TSGA10: variants seen among roughly 807,000 people sequenced by gnomAD.
The protein encoded by TSGA10 is testis-specific gene 10 protein.
In TSGA10, 43 loss-of-function variants were observed where a neutral mutation model predicts 96.6. The ratio of observed to expected loss-of-function variants is 0.44; its 90% CI spans 0.35 to 0.57. The LOEUF (loss-of-function observed/expected upper bound fraction) is 0.57. Ranked by LOEUF, TSGA10 falls within the 20% of genes least tolerant of loss-of-function variation. The probability of loss-of-function intolerance (pLI) is 0.01; values close to 1 mark genes in which losing one functional copy is unlikely to be tolerated. For synonymous variants in TSGA10, 229 were observed against 269.9 expected, an observed-to-expected ratio of 0.85 and a Z score of 1.48; for missense variants, 703 against 834.4, an observed-to-expected ratio of 0.84 and a Z score of 1.94.
chr2:99,036,881 C>A (rs1319802876), intron 16 of TSGA10, among the ~76,000 whole-genome samples: 1 of 152,004 alleles, frequency 6.6e-6, no homozygotes, highest in Non-Finnish European at 1.5e-5. Context: ...AAAGAGAGGG[C>A]ATGACATAAT....
At chr2:99,119,533 G>A (rs2092462736) in intron 2 of TSGA10, among the ~76,000 whole-genome samples, 1 of 152,126 alleles carries the variant, frequency 6.6e-6, no homozygotes, top group Non-Finnish European at 1.5e-5. Flanking sequence ...TTATTGAAAT[G>A]TACACACTTG....
intron 16 of TSGA10, among the ~76,000 whole-genome samples, chr2:99,038,506 T>G (rs896948705): frequency 1.3e-5 from 2 of 152,172 alleles, no homozygotes; most frequent in African/African-American, 4.8e-5. Context: ...GGAGTAGCTA[T>G]TCTTATATCA....
rs377712705 is a variant in TSGA10 at position 99,069,013 on chromosome 2, T to C, written c.1108-15A>G. 44 of 1,356,514 alleles carry C rather than the reference T, an allele frequency of 3.2e-5. No individual in the cohort carries two copies. Among genetic ancestry groups the C allele is most frequent in the Non-Finnish European group, 4.3e-5 (44 of 1,018,752 alleles). 84.0% of individuals were successfully genotyped at this position (1,356,514 alleles called of 1,614,324 possible). ...TTGGACAGTGCCTACGAAAAAAAGA[T>C]AGGTATATTTGACTATGAAAAATAA... On this transcript the variant is annotated splice_polypyrimidine_tract_variant and intron_variant, in intron 14 of 20. Transcript: ENST00000393483.
intron 4 of TSGA10, among the ~76,000 whole-genome samples, chr2:99,112,471 G>C (rs1405668438): frequency 6.6e-6 from 1 of 152,040 alleles, no homozygotes; most frequent in Non-Finnish European, 1.5e-5. Flanking sequence ...AGAAAAAGAA[G>C]AGCAGAGTTA....
Position 99,105,646 on chromosome 2 carries a change from TCTTA to T in TSGA10, c.258_261del (p.Cys86Ter), listed in dbSNP as rs754448788. 3.1e-6 allele frequency: 5 copies of T among 1,597,366 alleles called. No homozygotes were observed. The highest frequency in any genetic ancestry group is 3.4e-6 in the Non-Finnish European group (4 of 1,165,856). On this transcript the variant is annotated frameshift_variant, in exon 8 of 21. Coordinates refer to ENST00000393483, the MANE Select transcript of TSGA10 (RefSeq NM_025244.4). LOFTEE classifies it high-confidence loss of function. ...GCATGTGCCGTTGTTGATTTAGGAC[TCTTA>T]CAGCTTTTCATCATTTCTCGTCGAA...
intron 15 of TSGA10, among the ~76,000 whole-genome samples, chr2:99,068,225 G>A (rs2085492428): frequency 6.6e-6 from 1 of 152,124 alleles, no homozygotes; most frequent in Non-Finnish European, 1.5e-5. Context: ...GGACTGACAT[G>A]AAATGATAAA....
intron 2 of TSGA10, among the ~76,000 whole-genome samples, chr2:99,123,032 T>C (rs1253375724): frequency 6.6e-6 from 1 of 152,208 alleles, no homozygotes; most frequent in Non-Finnish European, 1.5e-5. Context: ...GGATATAAAA[T>C]TCTGAGTTGA....
intron 7 of TSGA10, 87 bp downstream of exon 7, chr2:99,108,746 T>A (rs2091561930): frequency 3.2e-6 from 3 of 934,954 alleles, no homozygotes; most frequent in Non-Finnish European, 4.6e-6. Context: ...TTTGCAGGTT[T>A]AAGCAGTCTC....
intron 1 of TSGA10, among the ~76,000 whole-genome samples, chr2:99,129,847 C>A (rs1342962514): frequency 6.6e-6 from 1 of 152,162 alleles, no homozygotes; most frequent in Admixed American, 6.5e-5. Context: ...TCCATGAGTT[C>A]TCACTGTTTA....
chr2:99,140,556 A>G (rs1390339308), intron 1 of TSGA10, among the ~76,000 whole-genome samples: 1 of 152,118 alleles, frequency 6.6e-6, no homozygotes, highest in Non-Finnish European at 1.5e-5. Flanking sequence ...TAGTTATCCA[A>G]TTTAAGTCTC....
At chr2:99,065,163 A>C in intron 15 of TSGA10, 39 bp from the exon 16 acceptor site, 1 of 1,583,196 alleles carries the variant, frequency 6.3e-7, no homozygotes, top group Non-Finnish European at 8.6e-7. Flanking sequence ...AAAATGCTGA[A>C]CATATGATAA....
At chr2:99,150,410 T>G (rs1406511183) in intron 1 of TSGA10, 1 of 852,378 alleles carries the variant, frequency 1.2e-6, no homozygotes, top group African/African-American at 1.7e-5. Flanking sequence ...CAGCTTTTCA[T>G]TCAAACAAAC....
intron 12 of TSGA10, 32 bp from the exon 13 acceptor site, chr2:99,073,105 A>C (rs754155616): frequency 7.3e-7 from 1 of 1,376,600 alleles, no homozygotes; most frequent in South Asian, 1.3e-5. Context: ...TAAATAAAAA[A>C]ATCTTAAGCT....
At chr2:99,129,444 G>A (rs1327262450) in intron 1 of TSGA10, among the ~76,000 whole-genome samples, 1 of 152,170 alleles carries the variant, frequency 6.6e-6, no homozygotes, top group Non-Finnish European at 1.5e-5. Context: ...CGAATAAAGT[G>A]GGGCTTTTGC....
chr2:99,140,972 C>G, intron 1 of TSGA10: 1 of 806,198 alleles, frequency 1.2e-6, no homozygotes, highest in South Asian at 1.9e-5. Context: ...CCCAACTCCG[C>G]CCGCCACGGC....
chr2:99,109,385 C>G lies in TSGA10; in HGVS notation c.51+4G>C, dbSNP rs776902427. The G allele has an allele frequency of 1.2e-6, 2 of 1,613,632 alleles. No individual in the cohort carries two copies. The highest frequency in any genetic ancestry group is 1.3e-5 in the African/African-American group (1 of 74,910). On this transcript the variant is annotated splice_donor_region_variant and intron_variant, in intron 6 of 20. Coordinates refer to ENST00000393483, the MANE Select transcript of TSGA10 (RefSeq NM_025244.4). ...CAAAATATTTGTAAGTTTATAAAAC[C>G]TACCCGGGCAGTTGGTGATGGGCGT...
intron 10 of TSGA10, among the ~76,000 whole-genome samples, chr2:99,085,014 G>T (rs909238506): frequency 6.6e-6 from 1 of 151,942 alleles, no homozygotes; most frequent in African/African-American, 2.4e-5. Flanking sequence ...CACTTTGGGA[G>T]GCCAAGGTGG....
Position 98,998,068 on chromosome 2 carries a change from G to A in TSGA10, c.*129C>T. ...TGGCACATTAGAACAGAGATTCAGA[G>A]ACACAAAGTTAATAAATACATTTAA... is the stretch of plus-strand genomic sequence containing the variant. On this transcript the variant is annotated 3_prime_UTR_variant, in exon 21 of 21. Coordinates refer to ENST00000393483, the MANE Select transcript of TSGA10 (RefSeq NM_025244.4). The A allele has an allele frequency of 1.2e-6, 1 of 842,118 alleles. No individual in the cohort carries two copies. The highest frequency in any genetic ancestry group is 1.8e-5 in the South Asian group (1 of 54,680). 52.2% of individuals were successfully genotyped at this position (842,118 alleles called of 1,614,324 possible).
intron 2 of TSGA10, chr2:99,124,625 C>A (rs562813416): frequency 1.3e-5 from 2 of 152,134 alleles, no homozygotes; most frequent in Admixed American, 1.3e-4. Context: ...CGGTCTGTCG[C>A]CCAGGCTGGA....
Sources: allele counts gnomAD v4.1 joint callset (sites outside exome capture counted in the v4.1 genomes callset), GRCh38; gene constraint gnomAD v4.1.1; transcripts MANE v1.5; gene names NCBI Gene and HGNC (gene_info 2026-07-23, HGNC 2026-07-21).